Variants in LINGO2 observed in about 807,000 individuals in gnomAD.
LINGO2 encodes leucine-rich repeat and immunoglobulin-like domain-containing nogo receptor-interacting protein 2.
LINGO2 carries 14 observed loss-of-function variants against 30.6 expected under a neutral mutation model. That is an observed-to-expected ratio of 0.46 (90% CI 0.30 to 0.72). The LOEUF (loss-of-function observed/expected upper bound fraction) is 0.72, where lower values mean the gene tolerates loss of function less well. Ranked by LOEUF, LINGO2 falls within the 30% of genes least tolerant of loss-of-function variation. The pLI is 0.07. For missense variants in LINGO2, 729 were observed against 751.7 expected, an observed-to-expected ratio of 0.97 and a Z score of 0.35; for synonymous variants, 317 against 288.5, an observed-to-expected ratio of 1.10 and a Z score of -1.00.
chr9:29,043,856 C>G, the LINGO2 span, among the ~76,000 whole-genome samples: 1 of 151,980 alleles, frequency 6.6e-6, no homozygotes, highest in Non-Finnish European at 1.5e-5. Flanking sequence ...CCTCATTCAT[C>G]GCAATTTTGC....
chr9:28,630,212 A>T (rs1826871728), intron 1 of LINGO2, among the ~76,000 whole-genome samples: 1 of 131,928 alleles, frequency 7.6e-6, no homozygotes, highest in African/African-American at 2.6e-5. Context: ...AAAGTATAAT[A>T]AAAAAATAAA....
intron 4 of LINGO2, among the ~76,000 whole-genome samples, chr9:28,044,088 T>C (rs925064405): frequency 6.6e-6 from 1 of 152,206 alleles, no homozygotes; most frequent in Non-Finnish European, 1.5e-5. Flanking sequence ...AAGTTAAATG[T>C]CTACGTATGG....
the LINGO2 span, among the ~76,000 whole-genome samples, chr9:29,156,768 A>G: frequency 6.6e-6 from 1 of 152,082 alleles, no homozygotes; most frequent in African/African-American, 2.4e-5. Context: ...ATGTTGTAGG[A>G]AATTCACTCA....
intron 4 of LINGO2, among the ~76,000 whole-genome samples, chr9:28,274,028 C>A (rs1823032688): frequency 1.3e-5 from 2 of 152,160 alleles, no homozygotes; most frequent in Middle Eastern, 3.4e-3. Context: ...TTATATCAAC[C>A]AGAAGAAGAG....
chr9:29,129,091 G>A, the LINGO2 span, among the ~76,000 whole-genome samples: 4 of 152,234 alleles, frequency 2.6e-5, no homozygotes, highest in South Asian at 2.1e-4. Flanking sequence ...TATTAACCCA[G>A]CGAAAACAAA....
At chr9:28,030,579 A>G (rs1198327943) in intron 4 of LINGO2, among the ~76,000 whole-genome samples, 1 of 152,188 alleles carries the variant, frequency 6.6e-6, no homozygotes, top group Non-Finnish European at 1.5e-5. Flanking sequence ...TGGCTACTCA[A>G]TGCTTTAAGT....
rs528324876 is a variant in LINGO2, at chr9:28,642,205, A to T, written c.-365+27995T>A. On this transcript the variant is annotated intron_variant, in intron 1 of 5. Transcript: ENST00000379992. ...GTTCATTGTGAAAACTGAGAAAAAA[A>T]GTTTCCCTTTTGAAAAAGTGAAAAA... 2.0e-5 allele frequency among the ~76,000 whole-genome samples: 3 copies of T among 152,200 alleles called. 1 individual carries two copies. Among genetic ancestry groups the T allele is most frequent in the East Asian group, 1.9e-4 (1 of 5,184 alleles).
chr9:28,464,270 C>T (rs1466114262), intron 2 of LINGO2, among the ~76,000 whole-genome samples: 1 of 152,080 alleles, frequency 6.6e-6, no homozygotes, highest in Non-Finnish European at 1.5e-5. Flanking sequence ...TTGTTATCTC[C>T]CTGTTTATCT....
the LINGO2 span, among the ~76,000 whole-genome samples, chr9:28,751,122 T>G: frequency 1.3e-5 from 2 of 151,270 alleles, no homozygotes; most frequent in African/African-American, 4.9e-5. Flanking sequence ...AATATATACA[T>G]ATATAAAAAT....
intron 1 of LINGO2, among the ~76,000 whole-genome samples, chr9:28,649,982 A>T (rs1828018444): frequency 1.3e-5 from 2 of 151,888 alleles, no homozygotes; most frequent in African/African-American, 4.8e-5. Flanking sequence ...AGCCTTACCC[A>T]GTGGAAGAGC....
the LINGO2 span, among the ~76,000 whole-genome samples, chr9:28,676,409 C>T: frequency 2.0e-5 from 3 of 152,082 alleles, no homozygotes; most frequent in African/African-American, 7.2e-5. Flanking sequence ...GACAGTACTA[C>T]TTGATTGACT....
chr9:28,923,581 C>T, the LINGO2 span, among the ~76,000 whole-genome samples: 1 of 151,976 alleles, frequency 6.6e-6, no homozygotes, highest in African/African-American at 2.4e-5. Flanking sequence ...AGAGTGAATC[C>T]TGGAAGGAAA....
At chr9:28,069,610 A>T (rs1431547602) in intron 4 of LINGO2, among the ~76,000 whole-genome samples, 2 of 152,170 alleles carry the variant, frequency 1.3e-5, no homozygotes, top group Non-Finnish European at 2.9e-5. Flanking sequence ...TACCACTCCA[A>T]AATGGAATTA....
At chr9:28,001,702 A>AG (rs984078839) in intron 5 of LINGO2, among the ~76,000 whole-genome samples, 1 of 137,352 alleles carries the variant, frequency 7.3e-6, no homozygotes, top group Non-Finnish European at 1.7e-5. Flanking sequence ...GGGGGCAGAA[A>AG]GGAAAAAAAA....
chr9:28,514,439 A>G (rs931777573), intron 1 of LINGO2, among the ~76,000 whole-genome samples: 4 of 152,216 alleles, frequency 2.6e-5, no homozygotes, highest in African/African-American at 7.2e-5. Flanking sequence ...GAAAATAAAA[A>G]GTACTACTCT....
chr9:28,767,895 C>T, the LINGO2 span, among the ~76,000 whole-genome samples: 1 of 151,800 alleles, frequency 6.6e-6, no homozygotes, highest in African/African-American at 2.4e-5. Flanking sequence ...GAAGAGAGGC[C>T]ATTTAATTTG....
the LINGO2 span, among the ~76,000 whole-genome samples, chr9:29,189,688 C>T: frequency 6.6e-6 from 1 of 152,046 alleles, no homozygotes; most frequent in Non-Finnish European, 1.5e-5. Context: ...TGTAGCGAGC[C>T]GAGATCACGC....
the LINGO2 span, among the ~76,000 whole-genome samples, chr9:29,081,771 A>C: frequency 6.6e-6 from 1 of 152,158 alleles, no homozygotes; most frequent in African/African-American, 2.4e-5. Flanking sequence ...ATTCACAAGC[A>C]TTCTTATACA....
the LINGO2 span, among the ~76,000 whole-genome samples, chr9:29,145,244 C>T: frequency 6.6e-6 from 1 of 152,132 alleles, no homozygotes; most frequent in Non-Finnish European, 1.5e-5. Flanking sequence ...GTTCTGGGCA[C>T]ACATTATGGT....
Sources: allele counts gnomAD v4.1 joint callset (sites outside exome capture counted in the v4.1 genomes callset), GRCh38; gene constraint gnomAD v4.1.1; transcripts MANE v1.5; gene names NCBI Gene and HGNC (gene_info 2026-07-23, HGNC 2026-07-21).